CDKL3: variants seen among roughly 807,000 people sequenced by gnomAD.
CDKL3 encodes the protein cyclin dependent kinase like 3.
CDKL3 carries 65 observed loss-of-function variants against 69.3 expected under a neutral mutation model. That is an observed-to-expected ratio of 0.94 (90% CI 0.77 to 1.15). The LOEUF (loss-of-function observed/expected upper bound fraction) is 1.15, where lower values mean the gene tolerates loss of function less well. CDKL3 is among the 50% of genes most tolerant of loss of function. The pLI is 0.00. For synonymous variants in CDKL3, 202 were observed against 221.6 expected (o/e 0.91, Z 0.79); for missense variants, 652 against 689.2 (o/e 0.95, Z 0.61).
At chr5:134,305,124 T>C (rs1049031418) in intron 10 of CDKL3, among the ~76,000 whole-genome samples, 6 of 151,544 alleles carry the variant, frequency 4.0e-5, no homozygotes, top group African/African-American at 1.5e-4. Flanking sequence ...TTATTATTAT[T>C]ATTATTATTA....
intron 4 of CDKL3, among the ~76,000 whole-genome samples, chr5:134,348,915 T>C (rs1332678381): frequency 1.3e-5 from 2 of 152,172 alleles, no homozygotes; most frequent in African/African-American, 4.8e-5. Flanking sequence ...GATGAAGTAA[T>C]TGAGGTACAG....
At chr5:134,313,962 A>C (rs1399032676) in intron 6 of CDKL3, among the ~76,000 whole-genome samples, 1 of 151,206 alleles carries the variant, frequency 6.6e-6, no homozygotes, top group Admixed American at 6.6e-5. Context: ...ACATGGAGAA[A>C]CTCCGTCCCC....
chr5:134,359,478 GC>G (rs1351365829), intron 3 of CDKL3, among the ~76,000 whole-genome samples: 3 of 151,944 alleles, frequency 2.0e-5, no homozygotes, highest in African/African-American at 7.3e-5. Flanking sequence ...TCCCCTAAAG[GC>G]ATCCACAATT....
At chr5:134,326,336 C>A (rs1774187846) in intron 4 of CDKL3, among the ~76,000 whole-genome samples, 1 of 152,120 alleles carries the variant, frequency 6.6e-6, no homozygotes, top group Middle Eastern at 3.4e-3. Context: ...AAAGGGATCC[C>A]CTATTTTCTG....
intron 4 of CDKL3, among the ~76,000 whole-genome samples, chr5:134,339,877 C>T (rs749020768): frequency 6.6e-6 from 1 of 152,076 alleles, no homozygotes; most frequent in Admixed American, 6.6e-5. Context: ...AGGCTGGGCA[C>T]AGTAGCTCAT....
rs1177224663 is a variant in CDKL3 at position 134,304,547 on chromosome 5, T to C, written c.1479A>G (p.Ile493Met). The C allele has an allele frequency of 1.9e-6, 3 of 1,608,058 alleles. No individual in the cohort carries two copies. Among genetic ancestry groups the C allele is most frequent in the Non-Finnish European group, 8.5e-7 (1 of 1,177,770 alleles). Residue 493 changes from isoleucine to methionine, a missense_variant, in exon 11 of 13, where the codon ATA becomes ATG. Coordinates refer to ENST00000265334, the MANE Select transcript of CDKL3 (RefSeq NM_001113575.2). ...CACTGTGACCTGTTCGCTCATTAAA[T>C]ATACCCTTCTCCATTTGGCTCTAAA... ...GPIQSQMEKGIFNERTGHSDQ... is the reference protein window; with the variant it reads ...GPIQSQMEKGMFNERTGHSDQ...
chr5:134,360,340 G>A (rs1755714162), intron 2 of CDKL3, among the ~76,000 whole-genome samples: 1 of 151,970 alleles, frequency 6.6e-6, no homozygotes, highest in Admixed American at 6.6e-5. Context: ...GAACAGCTGG[G>A]ATTACAAGCG....
At chr5:134,328,212 T>C (rs1246414608) in intron 4 of CDKL3, among the ~76,000 whole-genome samples, 1 of 152,156 alleles carries the variant, frequency 6.6e-6, no homozygotes, top group East Asian at 1.9e-4. Context: ...AGAAAAATAT[T>C]TCAAAATAAC....
At position 134,298,655 on chromosome 5, in the gene CDKL3, C is replaced by T; in HGVS notation, c.1775G>A (p.Trp592Ter). The stretch of plus-strand genomic sequence containing the variant: ...GACTATGTAAAAGAAAAGACACTAC[C>T]AGAAAAAAAACCTGTTTCTCTTCAA... ...KNLKRNRFFF[W>*] Residue 592 changes from tryptophan (W) to a stop codon, truncating the protein, a stop_gained, in exon 13 of 13, where the codon TGG becomes TAG. Transcript: ENST00000265334. LOFTEE classifies it high-confidence loss of function. 1 of 1,612,250 alleles carries T rather than the reference C, an allele frequency of 6.2e-7. No homozygotes were observed. Among genetic ancestry groups the T allele is most frequent in the Non-Finnish European group, 8.5e-7 (1 of 1,179,330 alleles).
intron 4 of CDKL3, among the ~76,000 whole-genome samples, chr5:134,329,753 GC>G (rs1266082651): frequency 6.6e-6 from 1 of 152,106 alleles, no homozygotes; most frequent in Non-Finnish European, 1.5e-5. Context: ...ACAGGCGTGA[GC>G]CACCACGCTG....
At chr5:134,343,794 G>GCCTC (rs1751132630) in intron 4 of CDKL3, among the ~76,000 whole-genome samples, 1 of 152,052 alleles carries the variant, frequency 6.6e-6, no homozygotes, top group African/African-American at 2.4e-5. Context: ...CAGCTCACTG[G>GCCTC]CCTCCCTCTA....
intron 3 of CDKL3, among the ~76,000 whole-genome samples, chr5:134,358,735 G>C (rs369540334): frequency 6.8e-4 from 103 of 152,126 alleles, no homozygotes; most frequent in African/African-American, 2.4e-3. Flanking sequence ...CTCACAAGTA[G>C]CCGGGAGTAC....
intron 12 of CDKL3, 148 bp from the exon 13 acceptor site, chr5:134,298,858 G>C: frequency 9.4e-7 from 1 of 1,063,710 alleles, no homozygotes; most frequent in Non-Finnish European, 1.3e-6. Flanking sequence ...TCAATGCCTT[G>C]CTCAACTTCC....
chr5:134,293,694 G>A (rs1765225834), downstream of CDKL3, among the ~76,000 whole-genome samples: 1 of 152,056 alleles, frequency 6.6e-6, no homozygotes. Flanking sequence ...TAGCTACTTG[G>A]GAGGCTGAGT....
chr5:134,298,421 A>T, downstream of CDKL3: 1 of 1,307,070 alleles, frequency 7.7e-7, no homozygotes. Context: ...CAAAAAAAAG[A>T]AGTAGGCAGA....
At chr5:134,349,375 T>C (rs1328081215) in intron 4 of CDKL3, among the ~76,000 whole-genome samples, 1 of 152,204 alleles carries the variant, frequency 6.6e-6, no homozygotes, top group Non-Finnish European at 1.5e-5. Flanking sequence ...TAGACCGAGA[T>C]CATGCTACTT....
chr5:134,349,696 C>G (rs1701107842), intron 4 of CDKL3, among the ~76,000 whole-genome samples: 1 of 152,140 alleles, frequency 6.6e-6, no homozygotes, highest in African/African-American at 2.4e-5. Flanking sequence ...CTGCATAGGT[C>G]TTCTGGAGCT....
downstream of CDKL3, among the ~76,000 whole-genome samples, chr5:134,297,324 A>G (rs1343220454): frequency 6.6e-6 from 1 of 152,094 alleles, no homozygotes; most frequent in Non-Finnish European, 1.5e-5. Context: ...CCCTCAACCC[A>G]GAGGTAATTT....
At chr5:134,334,563 G>A (rs1258219462) in intron 4 of CDKL3, among the ~76,000 whole-genome samples, 1 of 151,972 alleles carries the variant, frequency 6.6e-6, no homozygotes, top group Admixed American at 6.6e-5. Flanking sequence ...CCTTCATTTC[G>A]TAATTTACCC....
Sources: gnomAD v4.1 joint callset for allele counts (sites outside exome capture counted in the v4.1 genomes callset) on GRCh38, gnomAD v4.1.1 for gene constraint, MANE v1.5 for transcripts, NCBI Gene and HGNC (gene_info 2026-07-23, HGNC 2026-07-21) for gene names.